Variants in SGCD observed in about 807,000 individuals in gnomAD.
SGCD encodes sarcoglycan delta, also known as delta-sarcoglycan.
A neutral mutation model predicts 36.6 loss-of-function variants in SGCD; 18 were observed. The observed-to-expected ratio is 0.49, with a 90% CI of 0.34 to 0.73. The LOEUF (loss-of-function observed/expected upper bound fraction) is 0.73. Among genes scored for constraint, SGCD ranks in the 30% least tolerant of loss-of-function variants. SGCD has a pLI of 0.01. For missense variants in SGCD, 387 were observed against 346.7 expected, an observed-to-expected ratio of 1.12 and a Z score of -0.92; for synonymous variants, 133 against 130.6, an observed-to-expected ratio of 1.02 and a Z score of -0.12.
chr5:156,575,362 CAGTGCT>C (rs1759893097), intron 4 of SGCD, among the ~76,000 whole-genome samples: 1 of 152,172 alleles, frequency 6.6e-6, no homozygotes, highest in South Asian at 2.1e-4. Context: ...ACTGTCCAAC[CAGTGCT>C]GAAGTCTTTT....
At chr5:155,781,456 AG>A in the SGCD span, among the ~76,000 whole-genome samples, 2 of 152,092 alleles carry the variant, frequency 1.3e-5, no homozygotes, top group Admixed American at 1.3e-4. Flanking sequence ...TTAACCAAAT[AG>A]GTATTTTCAA....
At chr5:156,074,730 GAAAAAC>G (rs750651556) in intron 1 of SGCD, among the ~76,000 whole-genome samples, 18 of 152,096 alleles carry the variant, frequency 1.2e-4, no homozygotes, top group Non-Finnish European at 2.5e-4. Context: ...ATTTATCTGA[GAAAAAC>G]AAAAACATGA....
the SGCD span, among the ~76,000 whole-genome samples, chr5:155,835,254 C>T: frequency 4.6e-5 from 7 of 151,836 alleles, no homozygotes; most frequent in Non-Finnish European, 1.0e-4. Context: ...GTCATCCACC[C>T]GCCTCAGCCT....
At chr5:155,875,075 G>A (rs1471402537) in intron 1 of SGCD, among the ~76,000 whole-genome samples, 4 of 152,100 alleles carry the variant, frequency 2.6e-5, no homozygotes, top group Non-Finnish European at 4.4e-5. Flanking sequence ...AAACTGCTTG[G>A]CACTAAAGCA....
intron 6 of SGCD, among the ~76,000 whole-genome samples, chr5:156,632,954 G>A (rs535951751): frequency 6.6e-6 from 1 of 152,188 alleles, no homozygotes; most frequent in Non-Finnish European, 1.5e-5. Flanking sequence ...TTGCAAGGTT[G>A]TGAGAAGACA....
At chr5:156,072,158 T>A (rs1760592925) in intron 1 of SGCD, among the ~76,000 whole-genome samples, 1 of 149,566 alleles carries the variant, frequency 6.7e-6, no homozygotes. Flanking sequence ...TATGTGTGAA[T>A]TTGATCCTGT....
intron 1 of SGCD, among the ~76,000 whole-genome samples, chr5:155,925,000 G>A (rs144573269): frequency 1.4e-4 from 22 of 152,212 alleles, no homozygotes; most frequent in African/African-American, 5.1e-4. Flanking sequence ...ATCCATGACC[G>A]AATTTTTTAC....
chr5:156,179,969 A>G (rs2127626425), intron 3 of SGCD, among the ~76,000 whole-genome samples: 1 of 152,286 alleles, frequency 6.6e-6, no homozygotes, highest in East Asian at 1.9e-4. Flanking sequence ...ATGCAAACCT[A>G]TAAAAAAATA....
At chr5:156,318,454 T>C (rs1299724098) in intron 3 of SGCD, among the ~76,000 whole-genome samples, 1 of 152,142 alleles carries the variant, frequency 6.6e-6, no homozygotes, top group Non-Finnish European at 1.5e-5. Context: ...ATCTATCATA[T>C]CTCCAATCCC....
chr5:156,381,641 G>A (rs1271430021), intron 3 of SGCD, among the ~76,000 whole-genome samples: 5 of 152,108 alleles, frequency 3.3e-5, no homozygotes, highest in African/African-American at 1.2e-4. Context: ...ATATAGTTGA[G>A]CCATCAGTGT....
chr5:156,392,493 G>C (rs539933763), intron 3 of SGCD, among the ~76,000 whole-genome samples: 1 of 152,284 alleles, frequency 6.6e-6, no homozygotes, highest in South Asian at 2.1e-4. Context: ...CAGTGTCTAG[G>C]GGTGAATGTT....
At chr5:156,155,613 G>GAA (rs56154305) in intron 3 of SGCD, among the ~76,000 whole-genome samples, 3,841 of 131,120 alleles carry the variant, frequency 0.029, 104 homozygotes, top group South Asian at 0.05. Flanking sequence ...CGTGGGCTAG[G>GAA]AAAAAAAAAA....
intron 3 of SGCD, among the ~76,000 whole-genome samples, chr5:156,424,777 AG>A (rs1309624404): frequency 6.6e-6 from 1 of 152,152 alleles, no homozygotes; most frequent in African/African-American, 2.4e-5. Flanking sequence ...CAGAGGAAAA[AG>A]GTGCATGGGG....
At chr5:156,304,325 TCATGGGGA>T (rs1284540306) in intron 3 of SGCD, among the ~76,000 whole-genome samples, 1 of 152,134 alleles carries the variant, frequency 6.6e-6, no homozygotes, top group Non-Finnish European at 1.5e-5. Context: ...GGTAATTGAA[TCATGGGGA>T]CAGGTCTTTC....
intron 3 of SGCD, 85 bp from the exon 4 acceptor site, chr5:156,508,516 G>T (rs1368033249): frequency 1.4e-6 from 1 of 734,750 alleles, no homozygotes; most frequent in Non-Finnish European, 2.4e-6. Context: ...AAAAAAAAAG[G>T]CTATAACTAC....
chr5:156,051,467 C>G lies in SGCD; in HGVS notation c.-281-66411C>G, dbSNP rs1231335040. Reference sequence around the variant, plus strand: ...GTCTGCTTTTTGGCAAACTGAATAACTATATATAATATACCCAGTGTTCCA... The same window carrying G: ...GTCTGCTTTTTGGCAAACTGAATAAGTATATATAATATACCCAGTGTTCCA... On this transcript the variant is annotated intron_variant, in intron 1 of 9. Transcript: ENST00000517913. Among the ~76,000 whole-genome samples the G allele has an allele frequency of 1.4e-5, 2 of 146,276 alleles. 1 individual carries two copies. The highest frequency in any genetic ancestry group is 3.1e-5 in the Non-Finnish European group (2 of 64,926).
At chr5:156,209,781 G>A (rs188023461) in intron 3 of SGCD, among the ~76,000 whole-genome samples, 3,155 of 152,256 alleles carry the variant, frequency 0.021, 109 homozygotes, top group African/African-American at 0.068. Context: ...GCCCATCATT[G>A]AAGACCCCAG....
chr5:155,845,610 A>G, the SGCD span: 3 of 152,286 alleles, frequency 2.0e-5, no homozygotes, highest in East Asian at 1.9e-4. Flanking sequence ...TTTCTCCAAA[A>G]ATGTTCAGCG....
At chr5:156,162,069 G>A (rs73811522) in intron 3 of SGCD, among the ~76,000 whole-genome samples, 5,968 of 148,470 alleles carry the variant, frequency 0.04, 386 homozygotes, top group African/African-American at 0.11. Flanking sequence ...AACAGAATGT[G>A]TGACAGAATT....
Sources: allele counts gnomAD v4.1 joint callset (sites outside exome capture counted in the v4.1 genomes callset), GRCh38; gene constraint gnomAD v4.1.1; transcripts MANE v1.5; gene names NCBI Gene and HGNC (gene_info 2026-07-23, HGNC 2026-07-21).